The following NEK11 variants were observed in gnomAD, a reference collection of about 807,000 sequenced individuals.
The protein encoded by NEK11 is NIMA related kinase 11, also known as serine/threonine-protein kinase Nek11.
In NEK11, 72 loss-of-function variants were observed where a neutral mutation model predicts 80.7. The observed-to-expected ratio is 0.89, with a 90% CI of 0.74 to 1.08. The LOEUF (loss-of-function observed/expected upper bound fraction) is 1.08. NEK11 is among the 50% of genes least tolerant of loss of function. The pLI is 0.00. For missense variants in NEK11, 764 were observed against 763.6 expected (o/e 1.00, Z -0.01); for synonymous variants, 251 against 260.7 (o/e 0.96, Z 0.36).
chr3:131,206,397 T>G (rs1299815262), intron 14 of NEK11, among the ~76,000 whole-genome samples: 1 of 152,228 alleles, frequency 6.6e-6, no homozygotes, highest in African/African-American at 2.4e-5. Context: ...TAACAAAGGT[T>G]TAATAGCTTT....
chr3:131,139,353 G>GAAAAAAAAAAAAAAAAAA (rs71622003), intron 7 of NEK11, among the ~76,000 whole-genome samples: 4 of 107,526 alleles, frequency 3.7e-5, no homozygotes, highest in South Asian at 2.8e-4. Context: ...AGAGAAAAAA[G>GAAAAAAAAAAAAAAAAAA]AAAAAAAAAA....
At chr3:131,343,870 C>T (rs1348514228) in intron 17 of NEK11, among the ~76,000 whole-genome samples, 1 of 152,188 alleles carries the variant, frequency 6.6e-6, no homozygotes, top group Non-Finnish European at 1.5e-5. Context: ...GCCTCTGGGC[C>T]TGTCATGGGA....
In NEK11 at chr3:131,029,634, A is replaced by C; in HGVS notation, c.-75A>C. 7 of 1,424,078 alleles carry C rather than the reference A, an allele frequency of 4.9e-6. No homozygotes were observed. In the South Asian group the frequency reaches 7.6e-5, roughly 15 times the overall value. 88.2% of individuals were successfully genotyped at this position (1,424,078 alleles called of 1,614,324 possible). ...TAAGGAACTGACCAACACTGGATGA[A>C]TTTGACCATTTCTTAGGAGACTGGA... On this transcript the variant is annotated 5_prime_UTR_variant, in exon 3 of 18. Coordinates refer to ENST00000383366, the MANE Select transcript of NEK11 (RefSeq NM_024800.5).
At chr3:131,159,106 A>G (rs2091174565) in intron 10 of NEK11, among the ~76,000 whole-genome samples, 1 of 152,220 alleles carries the variant, frequency 6.6e-6, no homozygotes, top group Admixed American at 6.5e-5. Flanking sequence ...CCTCAAAGTT[A>G]TCAAGTAGAA....
intron 5 of NEK11, among the ~76,000 whole-genome samples, chr3:131,127,224 CAA>C (rs776398807): frequency 1.1e-3 from 167 of 152,018 alleles, no homozygotes; most frequent in Admixed American, 3.5e-3. Context: ...CTTGGCCTCC[CAA>C]AGAGCTGGGA....
At chr3:131,053,459 A>G (rs569112297) in intron 3 of NEK11, 5 of 152,378 alleles carry the variant, frequency 3.3e-5, no homozygotes, top group African/African-American at 7.2e-5. Flanking sequence ...TGTAACTGGC[A>G]TGAGCCAGAT....
chr3:131,346,694 T>G (rs2097368298), intron 17 of NEK11, among the ~76,000 whole-genome samples: 1 of 151,922 alleles, frequency 6.6e-6, no homozygotes, highest in South Asian at 2.1e-4. Context: ...ACAAAAGAAG[T>G]GAGTAATTAT....
intron 15 of NEK11, among the ~76,000 whole-genome samples, chr3:131,237,400 A>G (rs2095448326): frequency 6.6e-6 from 1 of 152,206 alleles, no homozygotes; most frequent in African/African-American, 2.4e-5. Context: ...TATGCATCAC[A>G]TATTTGAATG....
intron 17 of NEK11, among the ~76,000 whole-genome samples, chr3:131,306,005 C>T (rs1455506459): frequency 6.6e-6 from 1 of 152,082 alleles, no homozygotes. Flanking sequence ...TGTTTTTTAT[C>T]TCTAGCATTT....
chr3:131,039,706 TA>T (rs1445037861), intron 3 of NEK11, among the ~76,000 whole-genome samples: 1 of 152,190 alleles, frequency 6.6e-6, no homozygotes, highest in East Asian at 1.9e-4. Context: ...TGAAATGAGA[TA>T]TGTATATGAC....
chr3:131,243,684 T>C (rs565697379), intron 16 of NEK11, among the ~76,000 whole-genome samples, 188 bp downstream of exon 16: 1 of 152,252 alleles, frequency 6.6e-6, no homozygotes, highest in South Asian at 2.1e-4. Context: ...TTATTATTAT[T>C]GTAAGTAACT....
intron 16 of NEK11, among the ~76,000 whole-genome samples, chr3:131,268,447 G>T (rs557599886): frequency 1.3e-5 from 2 of 152,284 alleles, no homozygotes; most frequent in African/African-American, 4.8e-5. Context: ...TTCAGATGGG[G>T]TTTCTGAGTG....
At chr3:131,095,003 C>A (rs2077231153) in intron 4 of NEK11, among the ~76,000 whole-genome samples, 1 of 152,096 alleles carries the variant, frequency 6.6e-6, no homozygotes, top group Admixed American at 6.6e-5. Flanking sequence ...CTCCATTAGC[C>A]CACACTTAAC....
chr3:131,108,688 T>C (rs531987947), intron 4 of NEK11, among the ~76,000 whole-genome samples: 2 of 152,256 alleles, frequency 1.3e-5, no homozygotes, highest in African/African-American at 4.8e-5. Flanking sequence ...TTTTTGGCCT[T>C]AATAATAAGT....
At chr3:131,072,770 G>A (rs558905713) in intron 3 of NEK11, among the ~76,000 whole-genome samples, 1 of 152,198 alleles carries the variant, frequency 6.6e-6, no homozygotes, top group African/African-American at 2.4e-5. Flanking sequence ...AGAGGGAAGG[G>A]CAATTTTTTC....
chr3:131,304,619 G>A (rs889535605), intron 17 of NEK11, among the ~76,000 whole-genome samples: 1 of 152,072 alleles, frequency 6.6e-6, no homozygotes, highest in Non-Finnish European at 1.5e-5. Flanking sequence ...TGTGGTACAG[G>A]GTGGTTTCAG....
intron 3 of NEK11, among the ~76,000 whole-genome samples, chr3:131,063,315 G>T (rs1383915218): frequency 6.6e-6 from 1 of 152,172 alleles, no homozygotes; most frequent in Non-Finnish European, 1.5e-5. Context: ...GTGAGCCACT[G>T]CATCTAGCCT....
At chr3:131,284,394 T>C (rs938497014) in intron 17 of NEK11, among the ~76,000 whole-genome samples, 8 of 152,318 alleles carry the variant, frequency 5.3e-5, no homozygotes, top group African/African-American at 1.9e-4. Flanking sequence ...TCTTGGGTGC[T>C]GTGATGATCT....
intron 17 of NEK11, among the ~76,000 whole-genome samples, chr3:131,312,691 A>G (rs2096793787): frequency 6.6e-6 from 1 of 152,160 alleles, no homozygotes; most frequent in African/African-American, 2.4e-5. Flanking sequence ...GTTGATCCCT[A>G]CTAATCTAGA....
Sources: gnomAD v4.1 joint callset for allele counts (sites outside exome capture counted in the v4.1 genomes callset) on GRCh38, gnomAD v4.1.1 for gene constraint, MANE v1.5 for transcripts, NCBI Gene and HGNC (gene_info 2026-07-23, HGNC 2026-07-21) for gene names.